The following ARL5A variants were observed in gnomAD, a reference collection of about 807,000 sequenced individuals.
The protein encoded by ARL5A is ADP-ribosylation factor-like protein 5A.
Under a neutral mutation model 25.9 loss-of-function variants are expected in ARL5A, and 18 were observed. The observed-to-expected ratio is 0.69, with a 90% CI of 0.48 to 1.03. ARL5A has a LOEUF of 1.03. Among genes scored for constraint, ARL5A ranks in the 50% least tolerant of loss-of-function variants. ARL5A has a pLI of 0.00. For synonymous variants in ARL5A, 61 were observed against 67.5 expected (o/e 0.90, Z 0.47); for missense variants, 170 against 211.9 (o/e 0.80, Z 1.23).
intron 1 of ARL5A, among the ~76,000 whole-genome samples, chr2:151,821,658 G>A (rs1360471467): frequency 6.6e-6 from 1 of 152,178 alleles, no homozygotes; most frequent in African/African-American, 2.4e-5. Flanking sequence ...AGGCTAGAGT[G>A]CAGTGGTGTG....
intron 4 of ARL5A, 143 bp from the exon 5 acceptor site, chr2:151,807,115 A>T: frequency 1.4e-6 from 1 of 719,928 alleles, no homozygotes; most frequent in East Asian, 2.8e-5. Flanking sequence ...TAGGCTGATA[A>T]CACATTTTTT....
rs767891575 is a variant in ARL5A, at chr2:151,812,403, C to T, written c.293G>A (p.Arg98Lys). The T allele has an allele frequency of 1.2e-6, 2 of 1,606,276 alleles. No homozygotes were observed. Among genetic ancestry groups the T allele is most frequent in the Admixed American group, 3.4e-5 (2 of 58,356 alleles). ...IVVVDSTDRERISVTREELYK... is the reference protein window; with the variant it reads ...IVVVDSTDREKISVTREELYK... The stretch of plus-strand genomic sequence containing the variant: ...GAGTTCTTCTCTAGTTACAGAAATC[C>T]TCTCTCTGTCTGTACTGTCCACAAC... The change falls in exon 4 of 6, where the codon AGG becomes AAG. Residue 98 changes from arginine to lysine, a missense_variant. Arg to Lys is a conservative substitution (Grantham distance 26). Coordinates refer to ENST00000295087, the MANE Select transcript of ARL5A (RefSeq NM_012097.4).
At position 151,828,138 on chromosome 2, in the gene ARL5A, A is replaced by G; in HGVS notation, c.39T>C (p.Asn13=). 1 of 1,610,090 alleles carries G rather than the reference A, an allele frequency of 6.2e-7. No individual in the cohort carries two copies. The highest frequency in any genetic ancestry group is 8.5e-7 in the Non-Finnish European group (1 of 1,178,128). Residue 13 remains asparagine (N), a synonymous_variant, in exon 1 of 6, where the codon AAT becomes AAC. Coordinates refer to ENST00000295087, the MANE Select transcript of ARL5A (RefSeq NM_012097.4). ...ILFTRIWRLF[N]HQEHKVIIVG... ...GCGGACCGAGCTCCTCACCCTGGTG[A>G]TTGAACAGTCTCCATATTCTAGTGA...
intron 1 of ARL5A, chr2:151,827,858 T>C (rs2099833297): frequency 1.6e-5 from 8 of 491,354 alleles, no homozygotes; most frequent in South Asian, 1.2e-4. Flanking sequence ...AAGAAACCTT[T>C]ACCACTCTCA....
At chr2:151,804,016 TA>T (rs2099829768) in intron 5 of ARL5A, among the ~76,000 whole-genome samples, 1 of 152,154 alleles carries the variant, frequency 6.6e-6, no homozygotes, top group Non-Finnish European at 1.5e-5. Context: ...AATTTTCCTT[TA>T]AAAAATGATT....
chr2:151,823,849 C>T (rs112949788), intron 1 of ARL5A, among the ~76,000 whole-genome samples: 1,570 of 152,316 alleles, frequency 0.01, 29 homozygotes, highest in African/African-American at 0.036. Flanking sequence ...CTGTTGGCTG[C>T]TGCTGACCAC....
At position 151,820,310 on chromosome 2, in the gene ARL5A, G is replaced by C. The variant is rs544014777; in HGVS notation, c.47-5111C>G. On this transcript the variant is annotated intron_variant, in intron 1 of 5. Coordinates refer to ENST00000295087, the MANE Select transcript of ARL5A (RefSeq NM_012097.4). ...TTAAATCTTTCTTTAACAGTGCCTA[G>C]AAATAAAGAAGGCACACTGGAGAGA... 4.6e-5 allele frequency among the ~76,000 whole-genome samples: 7 copies of C among 152,202 alleles called. No individual in the cohort carries two copies. In the South Asian group the frequency reaches 1.2e-3, roughly 27 times the overall value.
In ARL5A at chr2:151,802,025, A is replaced by G. The variant is rs530367243; in HGVS notation, c.*1251T>C. The stretch of plus-strand genomic sequence containing the variant: ...TACAAATAATACGTTGTATCAATCA[A>G]TTTTTAAGCCAAATTCTTAAAATCA... On this transcript the variant is annotated 3_prime_UTR_variant, in exon 6 of 6. Coordinates refer to ENST00000295087, the MANE Select transcript of ARL5A (RefSeq NM_012097.4). 2.6e-5 allele frequency: 4 copies of G among 152,238 alleles called. No homozygotes were observed. The highest frequency in any genetic ancestry group is 2.1e-4 in the South Asian group (1 of 4,834). 9.4% of individuals were successfully genotyped at this position (152,238 alleles called of 1,614,324 possible).
At chr2:151,816,128 C>T (rs981224336) in intron 1 of ARL5A, among the ~76,000 whole-genome samples, 3 of 152,170 alleles carry the variant, frequency 2.0e-5, no homozygotes, top group Admixed American at 6.5e-5. Context: ...ATTGCAGTTG[C>T]TGCCTGGCTG....
intron 3 of ARL5A, among the ~76,000 whole-genome samples, chr2:151,813,859 C>A (rs933995874): frequency 1.3e-5 from 2 of 152,054 alleles, no homozygotes; most frequent in African/African-American, 4.8e-5. Context: ...TAAACTCAGT[C>A]AAACATAAAT....
intron 1 of ARL5A, among the ~76,000 whole-genome samples, chr2:151,824,503 T>TAATAATAAC (rs534560146): frequency 2.6e-5 from 4 of 152,052 alleles, no homozygotes; most frequent in Non-Finnish European, 4.4e-5. Context: ...ATAATAATAA[T>TAATAATAAC]AACAACAATA....
At position 151,798,850 on chromosome 2, in the gene ARL5A, C is replaced by A. The variant is rs898544730; in HGVS notation, c.*4426G>T. 1 of 151,814 alleles carries A rather than the reference C, an allele frequency of 6.6e-6. No homozygotes were observed. 9.4% of individuals were successfully genotyped at this position (151,814 alleles called of 1,614,324 possible). On this transcript the variant is annotated 3_prime_UTR_variant, in exon 6 of 6. Transcript: ENST00000295087. ...GATGGGCTTAAAATCAACACAAATC[C>A]ATTTTTAGGCACTTCTTGAGTACAG...
At chr2:151,826,665 T>A (rs1175025578) in intron 1 of ARL5A, among the ~76,000 whole-genome samples, 1 of 152,176 alleles carries the variant, frequency 6.6e-6, no homozygotes, top group Non-Finnish European at 1.5e-5. Flanking sequence ...CTTACAGCAA[T>A]GTACGTTTTA....
intron 4 of ARL5A, among the ~76,000 whole-genome samples, chr2:151,810,766 G>A (rs1003563228): frequency 2.0e-5 from 3 of 152,166 alleles, no homozygotes; most frequent in African/African-American, 7.2e-5. Flanking sequence ...TGATCCTGCT[G>A]CATATTGGCC....
chr2:151,813,024 TTG>T (rs1027446533), intron 3 of ARL5A, among the ~76,000 whole-genome samples: 1 of 152,158 alleles, frequency 6.6e-6, no homozygotes, highest in Admixed American at 6.5e-5. Context: ...GATGAAAGAC[TTG>T]TGATTGTTGT....
At chr2:151,815,064 A>T in intron 2 of ARL5A, 75 bp downstream of exon 2, 1 of 1,094,776 alleles carries the variant, frequency 9.1e-7, no homozygotes, top group Non-Finnish European at 1.3e-6. Context: ...TTCTTACTGC[A>T]TTCATTGATC....
intron 5 of ARL5A, 21 bp downstream of exon 5, chr2:151,806,800 T>C (rs1182957934): frequency 6.3e-7 from 1 of 1,587,218 alleles, no homozygotes; most frequent in Non-Finnish European, 8.5e-7. Context: ...TTCGATAACA[T>C]TTAAGAGGAA....
At chr2:151,819,206 C>T (rs1354225056) in intron 1 of ARL5A, among the ~76,000 whole-genome samples, 1 of 152,178 alleles carries the variant, frequency 6.6e-6, no homozygotes, top group African/African-American at 2.4e-5. Context: ...ACAGTACTCT[C>T]TCAGTTTCTT....
chr2:151,819,674 T>G (rs972758854), intron 1 of ARL5A, among the ~76,000 whole-genome samples: 1 of 152,024 alleles, frequency 6.6e-6, no homozygotes, highest in African/African-American at 2.4e-5. Context: ...CCTTAGGACT[T>G]GGTTACTATG....
Sources: gnomAD v4.1 joint callset for allele counts (sites outside exome capture counted in the v4.1 genomes callset) on GRCh38, gnomAD v4.1.1 for gene constraint, MANE v1.5 for transcripts, NCBI Gene and HGNC (gene_info 2026-07-23, HGNC 2026-07-21) for gene names.